Variants in KIF26A observed in about 807,000 individuals in gnomAD.
KIF26A encodes the protein kinesin-like protein KIF26A.
A neutral mutation model predicts 126.0 loss-of-function variants in KIF26A; 74 were observed. That is an observed-to-expected ratio of 0.59 (90% CI 0.49 to 0.71). The LOEUF (loss-of-function observed/expected upper bound fraction) is 0.71, where lower values mean the gene tolerates loss of function less well. Ranked by LOEUF, KIF26A falls within the 30% of genes least tolerant of loss-of-function variation. KIF26A has a pLI of 0.00. For synonymous variants in KIF26A, 1,445 were observed against 1,232.7 expected (o/e 1.17, Z -3.61); for missense variants, 2,984 against 2,763.3 (o/e 1.08, Z -1.79).
In KIF26A at chr14:104,152,150, C is replaced by T; in HGVS notation, c.424C>T (p.Leu142=). ...GCAGCTCACACGGGAGGCCATGCACCTGCTGCAGGCCCCTGCCAGCCATGA... is the reference window on the plus strand; with the variant it reads ...GCAGCTCACACGGGAGGCCATGCACTTGCTGCAGGCCCCTGCCAGCCATGA... ...LQQLTREAMH[L]LQAPASHEDL... The change falls in exon 3 of 15, where the codon CTG becomes TTG. Residue 142 remains leucine, a synonymous_variant. Coordinates refer to ENST00000423312, the MANE Select transcript of KIF26A (RefSeq NM_015656.2). This position sits in a 1 kb window ranked among gnomAD's most constrained non-coding sequence, Gnocchi z 5.9. The T allele has an allele frequency of 6.2e-7, 1 of 1,610,502 alleles. No homozygotes were observed. Among genetic ancestry groups the T allele is most frequent in the East Asian group, 2.2e-5 (1 of 44,826 alleles).
At chr14:104,153,764 A>T (rs1266486789) in intron 3 of KIF26A, among the ~76,000 whole-genome samples, 1 of 152,128 alleles carries the variant, frequency 6.6e-6, no homozygotes, top group African/African-American at 2.4e-5. Context: ...TGGGCCTGAA[A>T]CCCAGGATGG....
Position 104,157,736 on chromosome 14 carries a change from A to C in KIF26A, c.736-19A>C, listed in dbSNP as rs764321784. 2 of 1,605,912 alleles carry C rather than the reference A, an allele frequency of 1.2e-6. No homozygotes were observed. Among genetic ancestry groups the C allele is most frequent in the Non-Finnish European group, 1.7e-6 (2 of 1,177,228 alleles). Reference sequence around the variant, plus strand: ...CTCTGCCCTTGCGTTCCTTATACGCACTCTCTCCTTCCCTCCAGGCCGAGG... The same window carrying C: ...CTCTGCCCTTGCGTTCCTTATACGCCCTCTCTCCTTCCCTCCAGGCCGAGG... On this transcript the variant is annotated intron_variant, in intron 3 of 14. Transcript: ENST00000423312.
intron 4 of KIF26A, among the ~76,000 whole-genome samples, chr14:104,165,791 CTG>C (rs762143335): frequency 7.0e-5 from 10 of 142,262 alleles, no homozygotes; most frequent in South Asian, 6.6e-4. Flanking sequence ...CTCTGTGTCT[CTG>C]TGTGCATATG....
At chr14:104,140,999 C>G (rs546807980) in intron 2 of KIF26A, among the ~76,000 whole-genome samples, 2 of 152,340 alleles carry the variant, frequency 1.3e-5, no homozygotes, top group East Asian at 3.9e-4. Context: ...AGACCCCATC[C>G]TCCACTGTCT....
In KIF26A at chr14:104,176,134, G is replaced by C; in HGVS notation, c.3346G>C (p.Glu1116Gln). ...CTCCTCCATCAGCTCCTGGCTCAGC[G>C]AGGTCAGCGTCTGCACTGCCGACAG... ...HGSSISSWLSEVSVCTADSRD... is the reference protein window; with the variant it reads ...HGSSISSWLSQVSVCTADSRD... Residue 1116 changes from glutamate (E) to glutamine (Q), a missense_variant, in exon 12 of 15, where the codon GAG (glutamate) becomes CAG (glutamine). Physicochemically the swap from Glu to Gln is conservative, Grantham distance 29. Coordinates refer to ENST00000423312, the MANE Select transcript of KIF26A (RefSeq NM_015656.2). 6.3e-7 allele frequency: 1 copy of C among 1,581,528 alleles called. No individual in the cohort carries two copies. Among genetic ancestry groups the C allele is most frequent in the Non-Finnish European group, 8.6e-7 (1 of 1,164,816 alleles).
At chr14:104,162,994 C>T (rs1403930972) in intron 4 of KIF26A, among the ~76,000 whole-genome samples, 2 of 152,242 alleles carry the variant, frequency 1.3e-5, no homozygotes, top group Non-Finnish European at 2.9e-5. Context: ...GTAGCCCTGT[C>T]CCAGTCCTGC....
intron 2 of KIF26A, among the ~76,000 whole-genome samples, chr14:104,147,299 T>G (rs1049602102): frequency 7.9e-5 from 12 of 152,198 alleles, no homozygotes; most frequent in African/African-American, 2.9e-4. Context: ...GATGAGGGTC[T>G]CAATGAGCTT....
chr14:104,157,416 G>A (rs193080111), intron 3 of KIF26A, among the ~76,000 whole-genome samples: 45 of 152,262 alleles, frequency 3.0e-4, no homozygotes, highest in African/African-American at 8.9e-4. Context: ...TGGTCGCTGC[G>A]ATTCTGGAGT....
chr14:104,142,689 C>CTCGCTT (rs1555387407), intron 2 of KIF26A, among the ~76,000 whole-genome samples: 1 of 152,198 alleles, frequency 6.6e-6, no homozygotes, highest in Non-Finnish European at 1.5e-5. Flanking sequence ...TAAGGCCCCC[C>CTCGCTT]TCGCTTCCCC....
In KIF26A at chr14:104,157,955, G is replaced by A; in HGVS notation, c.923+13G>A. ...CCTTCTTCATAAGGTATGTCCTGGG[G>A]CTTCCTGGGCAGCCTTGTGGGCAGG... On this transcript the variant is annotated intron_variant, in intron 4 of 14. Coordinates refer to ENST00000423312, the MANE Select transcript of KIF26A (RefSeq NM_015656.2). 1 of 1,482,230 alleles carries A rather than the reference G, an allele frequency of 6.7e-7. No homozygotes were observed. The highest frequency in any genetic ancestry group is 1.4e-5 in the South Asian group (1 of 72,396). The allele number at this position is 1,482,230 out of a possible 1,614,324, so 91.8% of individuals were successfully genotyped here. A position where few individuals can be genotyped will look rare whatever the true frequency, so the allele number is the denominator to read the frequency against.
chr14:104,177,197 C>G lies in KIF26A; in HGVS notation c.4409C>G (p.Ser1470Cys), dbSNP rs370850949. Residue 1470 changes from serine to cysteine, a missense_variant, in exon 12 of 15, where the codon TCC becomes TGC. Transcript: ENST00000423312. ...GTACCCAAGCTGGGTGTGCCACCCTCCAGCCCCACACACGGTCCAGCTCCC... is the reference window on the plus strand; with the variant it reads ...GTACCCAAGCTGGGTGTGCCACCCTGCAGCCCCACACACGGTCCAGCTCCC... Reference protein sequence around the residue: ...RAVPKLGVPPSSPTHGPAPAC... With the variant: ...RAVPKLGVPPCSPTHGPAPAC... 2.5e-6 allele frequency: 4 copies of G among 1,596,160 alleles called. No individual in the cohort carries two copies. In the African/African-American group the frequency reaches 5.3e-5, roughly 21 times the overall value.
At chr14:104,178,292 C>T (rs538161050) in intron 12 of KIF26A, among the ~76,000 whole-genome samples, 85 of 152,186 alleles carry the variant, frequency 5.6e-4, no homozygotes, top group Non-Finnish European at 9.7e-4. Flanking sequence ...CAGGGCTGCC[C>T]CAAGGGACAG....
intron 6 of KIF26A, 27 bp downstream of exon 6, chr14:104,171,962 C>T (rs1161381769): frequency 1.3e-6 from 2 of 1,538,106 alleles, no homozygotes; most frequent in African/African-American, 2.7e-5. Context: ...TGGGCGTCCT[C>T]CCGGAGACCC....
chr14:104,152,110 C>G lies in KIF26A; in HGVS notation c.384C>G (p.Cys128Trp). 6.2e-7 allele frequency: 1 copy of G among 1,612,412 alleles called. No homozygotes were observed. Among genetic ancestry groups the G allele is most frequent in the Non-Finnish European group, 8.5e-7 (1 of 1,179,756 alleles). ...AGGCCGAGCGCCGCTGTGACGTCTG[C>G]GCCACACACCTGCAGCAGCTCACAC... ...RPEAERRCDV[C>W]ATHLQQLTRE... is the part of the protein sequence containing the mutation. The change falls in exon 3 of 15, where the codon TGC becomes TGG. Residue 128 changes from cysteine (C) to tryptophan (W), a missense_variant. Cys to Trp is a radical substitution (Grantham distance 215). Transcript: ENST00000423312. The surrounding 1 kb of genome is among the most constrained non-coding windows in gnomAD (Gnocchi z 5.9).
At position 104,171,815 on chromosome 14, in the gene KIF26A, G is replaced by A; in HGVS notation, c.1206G>A (p.Gln402=). 2 of 1,566,554 alleles carry A rather than the reference G, an allele frequency of 1.3e-6. No individual in the cohort carries two copies. The highest frequency in any genetic ancestry group is 1.7e-6 in the Non-Finnish European group (2 of 1,156,682). The change falls in exon 6 of 15, where the codon CAG becomes CAA. Residue 402 remains glutamine (Q), a synonymous_variant. Transcript: ENST00000423312. ...SFLKVDPRKK[Q]VILYDPAAGP... is the part of the protein sequence containing the mutation. The stretch of plus-strand genomic sequence containing the variant: ...TGAAGGTGGACCCTCGGAAGAAGCA[G>A]GTGATCCTCTACGATCCCGCCGCCG...
chr14:104,172,215 G>C (rs1158641075), intron 6 of KIF26A, among the ~76,000 whole-genome samples: 1 of 152,220 alleles, frequency 6.6e-6, no homozygotes, highest in Non-Finnish European at 1.5e-5. Context: ...AGCAGCTGTT[G>C]GGCTCTGGGC....
intron 4 of KIF26A, among the ~76,000 whole-genome samples, chr14:104,161,452 A>C (rs1188317054): frequency 1.3e-5 from 2 of 152,224 alleles, no homozygotes; most frequent in African/African-American, 4.8e-5. Flanking sequence ...ATCAAGGCCA[A>C]CTGCCTGTGA....
In KIF26A at chr14:104,152,519, C is replaced by T. The variant is rs1011524811; in HGVS notation, c.735+58C>T. On this transcript the variant is annotated intron_variant, in intron 3 of 14. Transcript: ENST00000423312. This position sits in a 1 kb window ranked among gnomAD's most constrained non-coding sequence, Gnocchi z 5.9. Reference sequence around the variant, plus strand: ...GGCCTCCTTGTCAGAACTGGGCTTCCTTCGGGGGTCTCTGTCCACGTTGAG... The same window carrying T: ...GGCCTCCTTGTCAGAACTGGGCTTCTTTCGGGGGTCTCTGTCCACGTTGAG... 5 of 1,455,984 alleles carry T rather than the reference C, an allele frequency of 3.4e-6. No homozygotes were observed. The highest frequency in any genetic ancestry group is 4.9e-5 in the Admixed American group (2 of 41,052). 90.2% of individuals were successfully genotyped at this position (1,455,984 alleles called of 1,614,324 possible). A position where few individuals can be genotyped will look rare whatever the true frequency, so the allele number is the denominator to read the frequency against.
rs1231309490 is a variant in KIF26A, at chr14:104,151,991, G to C, written c.289-24G>C. 6.2e-7 allele frequency: 1 copy of C among 1,610,430 alleles called. No individual in the cohort carries two copies. Among genetic ancestry groups the C allele is most frequent in the East Asian group, 2.2e-5 (1 of 44,882 alleles). ...CCCTCCCTCCCCAGGCACTGACCCT[G>C]CCTTTGTCCCTTGCTGTCCTCAGGA... On this transcript the variant is annotated intron_variant, in intron 2 of 14. Coordinates refer to ENST00000423312, the MANE Select transcript of KIF26A (RefSeq NM_015656.2). The surrounding 1 kb of genome is among the most constrained non-coding windows in gnomAD (Gnocchi z 4.9).
Sources: allele counts gnomAD v4.1 joint callset (sites outside exome capture counted in the v4.1 genomes callset), GRCh38; gene constraint gnomAD v4.1.1; non-coding constraint Gnocchi (gnomAD v3.1); transcripts MANE v1.5; gene names NCBI Gene and HGNC (gene_info 2026-07-23, HGNC 2026-07-21).